The following FARSB variants were observed in gnomAD, a reference collection of about 807,000 sequenced individuals.
FARSB encodes phenylalanyl-tRNA synthetase subunit beta, also known as phenylalanine--tRNA ligase beta subunit.
In FARSB, 40 loss-of-function variants were observed where a neutral mutation model predicts 69.6. The observed-to-expected ratio is 0.57, with a 90% CI of 0.45 to 0.75. The LOEUF (loss-of-function observed/expected upper bound fraction) is 0.75, where lower values mean the gene tolerates loss of function less well. Ranked by LOEUF, FARSB falls within the 30% of genes least tolerant of loss-of-function variation. FARSB has a pLI of 0.00. For synonymous variants in FARSB, 235 were observed against 247.2 expected (o/e 0.95, Z 0.46); for missense variants, 632 against 722.9 (o/e 0.87, Z 1.44).
chr2:222,650,169 T>C (rs774054412), intron 1 of FARSB, among the ~76,000 whole-genome samples: 1 of 152,196 alleles, frequency 6.6e-6, no homozygotes, highest in Non-Finnish European at 1.5e-5. Context: ...TGAAACAGCA[T>C]GGCAAATTTG....
intron 15 of FARSB, among the ~76,000 whole-genome samples, chr2:222,606,159 C>G (rs1690699502): frequency 6.6e-6 from 1 of 152,118 alleles, no homozygotes; most frequent in African/African-American, 2.4e-5. Context: ...GATTGGCTGG[C>G]TTTTTACGTT....
intron 16 of FARSB, among the ~76,000 whole-genome samples, chr2:222,575,643 GT>G (rs1025086007): frequency 1.3e-5 from 2 of 152,208 alleles, no homozygotes; most frequent in African/African-American, 4.8e-5. Flanking sequence ...TAAAACAGAT[GT>G]GGGGGAAATA....
At chr2:222,640,316 C>A (rs1186206806) in intron 4 of FARSB, among the ~76,000 whole-genome samples, 4 of 151,180 alleles carry the variant, frequency 2.6e-5, no homozygotes, top group Non-Finnish European at 5.9e-5. Flanking sequence ...CATAGTGAAA[C>A]CCCATTTCTA....
At chr2:222,647,306 T>C (rs1185130075) in intron 2 of FARSB, among the ~76,000 whole-genome samples, 1 of 152,206 alleles carries the variant, frequency 6.6e-6, no homozygotes, top group East Asian at 1.9e-4. Context: ...CAGCCAGGGC[T>C]GTCACAAATT....
chr2:222,647,727 C>A (rs1459801533), intron 2 of FARSB, among the ~76,000 whole-genome samples: 1 of 152,158 alleles, frequency 6.6e-6, no homozygotes, highest in Admixed American at 6.5e-5. Context: ...ATCGCGCTGT[C>A]GCACTCCAGC....
At chr2:222,652,375 T>A (rs147693453) in intron 1 of FARSB, among the ~76,000 whole-genome samples, 1 of 152,278 alleles carries the variant, frequency 6.6e-6, no homozygotes, top group African/African-American at 2.4e-5. Context: ...AATACCGGCC[T>A]CCTGGTATTC....
chr2:222,635,193 A>T (rs950336713), intron 5 of FARSB, among the ~76,000 whole-genome samples: 5 of 152,214 alleles, frequency 3.3e-5, no homozygotes, highest in African/African-American at 1.2e-4. Flanking sequence ...AGAAGTAGGG[A>T]TGTAAAACCG....
chr2:222,613,343 G>A (rs1450368872), intron 15 of FARSB, among the ~76,000 whole-genome samples: 4 of 152,106 alleles, frequency 2.6e-5, no homozygotes, highest in African/African-American at 4.8e-5. Context: ...TCAGAAGTTC[G>A]AGTCCAGCCT....
At chr2:222,617,401 A>C (rs1426061685) in intron 14 of FARSB, among the ~76,000 whole-genome samples, 1 of 152,196 alleles carries the variant, frequency 6.6e-6, no homozygotes, top group Non-Finnish European at 1.5e-5. Flanking sequence ...ACCACATCTT[A>C]AGAAATCTAT....
intron 16 of FARSB, among the ~76,000 whole-genome samples, chr2:222,581,548 CTTG>C (rs989029740): frequency 2.2e-4 from 34 of 152,110 alleles, no homozygotes; most frequent in African/African-American, 8.0e-4. Context: ...TAGAATCTTG[CTTG>C]TTAGAAATAA....
chr2:222,655,450 C>T (rs898098732), intron 1 of FARSB, among the ~76,000 whole-genome samples: 18 of 152,186 alleles, frequency 1.2e-4, no homozygotes, highest in Non-Finnish European at 1.9e-4. Flanking sequence ...TATCCGAAAT[C>T]ATTTTATTAA....
intron 5 of FARSB, among the ~76,000 whole-genome samples, chr2:222,637,244 G>A (rs1691605094): frequency 6.6e-6 from 1 of 152,154 alleles, no homozygotes; most frequent in Non-Finnish European, 1.5e-5. Flanking sequence ...AGCAATCCCT[G>A]AGACACAGGA....
intron 13 of FARSB, among the ~76,000 whole-genome samples, chr2:222,621,309 G>C (rs1160680436): frequency 6.6e-6 from 1 of 152,078 alleles, no homozygotes; most frequent in Non-Finnish European, 1.5e-5. Flanking sequence ...TTTTGTTTGA[G>C]ACAGAGTCTC....
In FARSB at chr2:222,654,841, G is replaced by A. The variant is rs536247349; in HGVS notation, c.58+1175C>T. Among the ~76,000 whole-genome samples, 6 of 152,182 alleles carry A rather than the reference G, an allele frequency of 3.9e-5. No homozygotes were observed. The South Asian group carries it at 1.2e-3, about 32-fold the overall frequency. The stretch of plus-strand genomic sequence containing the variant: ...AATTAGGCCTTTGTTAACACACTGA[G>A]CCCTAAAAACAAAAAAAACAGCTCT... On this transcript the variant is annotated intron_variant, in intron 1 of 16. Transcript: ENST00000281828.
At chr2:222,647,038 CA>C (rs1373006058) in intron 2 of FARSB, among the ~76,000 whole-genome samples, 1 of 152,208 alleles carries the variant, frequency 6.6e-6, no homozygotes, top group African/African-American at 2.4e-5. Context: ...TTCTTACACA[CA>C]TGCTTCTCTT....
intron 16 of FARSB, among the ~76,000 whole-genome samples, chr2:222,578,194 T>C (rs1239363043): frequency 1.3e-5 from 2 of 152,222 alleles, no homozygotes; most frequent in African/African-American, 4.8e-5. Context: ...ATATTTAGAA[T>C]AACAACTTCA....
At chr2:222,619,992 C>A (rs774457089) in intron 13 of FARSB, among the ~76,000 whole-genome samples, 10 of 152,162 alleles carry the variant, frequency 6.6e-5, no homozygotes, top group African/African-American at 9.7e-5. Flanking sequence ...ATTAATACTT[C>A]TTTCACAATG....
At chr2:222,611,361 T>G (rs1690844569) in intron 15 of FARSB, among the ~76,000 whole-genome samples, 1 of 149,650 alleles carries the variant, frequency 6.7e-6, no homozygotes, top group African/African-American at 2.5e-5. Flanking sequence ...AACGCAAATC[T>G]AAAAGATATA....
chr2:222,643,880 A>T (rs1160737822), intron 2 of FARSB, among the ~76,000 whole-genome samples: 1 of 152,262 alleles, frequency 6.6e-6, no homozygotes, highest in Non-Finnish European at 1.5e-5. Context: ...TTTCTTAAAC[A>T]TAACCACTGC....
Sources: allele counts gnomAD v4.1 joint callset (sites outside exome capture counted in the v4.1 genomes callset), GRCh38; gene constraint gnomAD v4.1.1; transcripts MANE v1.5; gene names NCBI Gene and HGNC (gene_info 2026-07-23, HGNC 2026-07-21).